The following LPXN variants were observed in gnomAD, a reference collection of about 807,000 sequenced individuals.
LPXN encodes the protein leupaxin.
LPXN carries 28 observed loss-of-function variants against 45.6 expected under a neutral mutation model. That is an observed-to-expected ratio of 0.61 (90% CI 0.45 to 0.84). The LOEUF is 0.84. Among genes scored for constraint, LPXN ranks in the 40% least tolerant of loss-of-function variants. LPXN has a pLI of 0.00. For missense variants in LPXN, 459 were observed against 475.0 expected, an observed-to-expected ratio of 0.97 and a Z score of 0.31; for synonymous variants, 166 against 169.9, an observed-to-expected ratio of 0.98 and a Z score of 0.18.
intron 1 of LPXN, among the ~76,000 whole-genome samples, chr11:58,573,553 A>T (rs1294712750): frequency 8.5e-5 from 13 of 152,238 alleles, no homozygotes; most frequent in Admixed American, 8.5e-4. Flanking sequence ...GCACCAGCTA[A>T]CCAAAGTTAT....
In LPXN at chr11:58,527,394, C is replaced by G; in HGVS notation, c.*60G>C. ...GTCAGTAACAGAAAATTTACCCTTT[C>G]CTCTCCTCTCTTGGTTTAAATTTTA... On this transcript the variant is annotated 3_prime_UTR_variant, in exon 9 of 9. Transcript: ENST00000395074. 28 of 1,553,964 alleles carry G rather than the reference C, an allele frequency of 1.8e-5. No homozygotes were observed. The highest frequency in any genetic ancestry group is 2.3e-5 in the South Asian group (2 of 87,546).
intron 7 of LPXN, among the ~76,000 whole-genome samples, chr11:58,544,845 G>T (rs1281408206): frequency 1.3e-5 from 2 of 152,136 alleles, no homozygotes; most frequent in Non-Finnish European, 2.9e-5. Context: ...AAGAAACACA[G>T]GTAGACATTG....
intron 7 of LPXN, among the ~76,000 whole-genome samples, chr11:58,537,729 A>G (rs182547850): frequency 6.6e-6 from 1 of 152,260 alleles, no homozygotes; most frequent in Admixed American, 6.5e-5. Flanking sequence ...AGTCCTAATG[A>G]TGCAATCTAA....
chr11:58,571,356 A>C (rs904083149), intron 1 of LPXN, among the ~76,000 whole-genome samples: 7 of 151,490 alleles, frequency 4.6e-5, no homozygotes, highest in Non-Finnish European at 1.0e-4. Context: ...TAAATAAATA[A>C]ATAAATAAAT....
chr11:58,562,303 C>A (rs1392370846), intron 3 of LPXN, among the ~76,000 whole-genome samples: 4 of 152,164 alleles, frequency 2.6e-5, no homozygotes, highest in Non-Finnish European at 4.4e-5. Context: ...ATATTTAGTT[C>A]ATTTAAGCAA....
chr11:58,578,673 A>G (rs890436436), upstream of LPXN, among the ~76,000 whole-genome samples: 1 of 152,136 alleles, frequency 6.6e-6, no homozygotes, highest in Non-Finnish European at 1.5e-5. Context: ...TGCGGCCTAA[A>G]GAAGAATAGA....
intron 8 of LPXN, 83 bp from the exon 9 acceptor site, chr11:58,527,806 T>C: frequency 7.3e-7 from 1 of 1,361,040 alleles, no homozygotes. Flanking sequence ...AGCCTTGAAA[T>C]TCCTGACAGT....
chr11:58,527,186 G>A lies in LPXN; in HGVS notation c.*268C>T, dbSNP rs180873113. ...GTGGAAAATACATCTGTAGAGGGAC[G>A]AGATAGAAGGACCTAGATCTAACTC... On this transcript the variant is annotated 3_prime_UTR_variant, in exon 9 of 9. Coordinates refer to ENST00000395074, the MANE Select transcript of LPXN (RefSeq NM_004811.3). The A allele has an allele frequency of 7.6e-5, 30 of 395,378 alleles. No individual in the cohort carries two copies. Among genetic ancestry groups the A allele is most frequent in the African/African-American group, 4.8e-4 (24 of 50,262 alleles). 24.5% of individuals were successfully genotyped at this position (395,378 alleles called of 1,614,324 possible).
At chr11:58,556,448 G>C (rs1268210739) in intron 3 of LPXN, among the ~76,000 whole-genome samples, 4 of 151,958 alleles carry the variant, frequency 2.6e-5, no homozygotes, top group Non-Finnish European at 5.9e-5. Flanking sequence ...CTAATTAAGA[G>C]ATAAGTTGGA....
chr11:58,540,214 A>G (rs1032311284), intron 7 of LPXN, among the ~76,000 whole-genome samples: 32 of 152,190 alleles, frequency 2.1e-4, no homozygotes, highest in African/African-American at 6.0e-4. Flanking sequence ...AATAAAGAAT[A>G]TGGGATATTT....
intron 2 of LPXN, among the ~76,000 whole-genome samples, chr11:58,566,850 T>C (rs1384307261): frequency 6.6e-6 from 1 of 152,200 alleles, no homozygotes; most frequent in East Asian, 1.9e-4. Flanking sequence ...AAAGTGGTTT[T>C]TCAAAGGCTC....
chr11:58,549,414 A>AAAC (rs1028982735), intron 7 of LPXN, among the ~76,000 whole-genome samples: 1 of 152,206 alleles, frequency 6.6e-6, no homozygotes, highest in African/African-American at 2.4e-5. Context: ...TCAAAAAAAC[A>AAAC]AACAACAACA....
At chr11:58,557,405 T>C (rs1176554838) in intron 3 of LPXN, among the ~76,000 whole-genome samples, 1 of 152,212 alleles carries the variant, frequency 6.6e-6, no homozygotes, top group Non-Finnish European at 1.5e-5. Context: ...TTCTGCTATT[T>C]GTCATAGCAT....
At chr11:58,535,052 C>T (rs907905155) in intron 7 of LPXN, among the ~76,000 whole-genome samples, 1 of 152,002 alleles carries the variant, frequency 6.6e-6, no homozygotes, top group Non-Finnish European at 1.5e-5. Flanking sequence ...AAAAAAAGTC[C>T]GGGACCAGGT....
rs1327048898 is a variant in LPXN at position 58,528,120 on chromosome 11, C to A, written c.814G>T (p.Gly272Cys). ...TTTTCCAACACTGGGCGATTGCAGCCACCACACTTGGGTGAGAACATGGCT... is the reference window on the plus strand; with the variant it reads ...TTTTCCAACACTGGGCGATTGCAGCAACCACACTTGGGTGAGAACATGGCT... ...FLAMFSPKCG[G>C]CNRPVLENYL... Residue 272 changes from glycine to cysteine, a missense_variant, in exon 8 of 9, where the codon GGC becomes TGC. By Grantham distance (159) the Gly-to-Cys change is radical. Transcript: ENST00000395074. 6.2e-7 allele frequency: 1 copy of A among 1,614,062 alleles called. No homozygotes were observed. Among genetic ancestry groups the A allele is most frequent in the East Asian group, 2.2e-5 (1 of 44,890 alleles).
intron 1 of LPXN, among the ~76,000 whole-genome samples, chr11:58,574,568 C>T (rs533082510): frequency 1.6e-4 from 25 of 151,572 alleles, no homozygotes; most frequent in Non-Finnish European, 3.1e-4. Context: ...CCCCTCCATC[C>T]CCCCCAAAAA....
At chr11:58,528,966 A>G (rs1333279979) in intron 7 of LPXN, among the ~76,000 whole-genome samples, 1 of 152,050 alleles carries the variant, frequency 6.6e-6, no homozygotes, top group African/African-American at 2.4e-5. Flanking sequence ...AATCAAATGG[A>G]TGTTATCTAT....
chr11:58,567,525 GC>G (rs2134344570), intron 2 of LPXN, among the ~76,000 whole-genome samples: 1 of 152,282 alleles, frequency 6.6e-6, no homozygotes, highest in Non-Finnish European at 1.5e-5. Context: ...TTGAAAATGA[GC>G]AAAATTAATT....
intron 2 of LPXN, among the ~76,000 whole-genome samples, chr11:58,567,261 G>A (rs1854552572): frequency 6.6e-6 from 1 of 152,050 alleles, no homozygotes; most frequent in South Asian, 2.1e-4. Flanking sequence ...TCAATGTTGA[G>A]CTTTTCAACT....
Sources: gnomAD v4.1 joint callset for allele counts (sites outside exome capture counted in the v4.1 genomes callset) on GRCh38, gnomAD v4.1.1 for gene constraint, MANE v1.5 for transcripts, NCBI Gene and HGNC (gene_info 2026-07-23, HGNC 2026-07-21) for gene names.